The following LDLRAD4 variants were observed in gnomAD, a reference collection of about 807,000 sequenced individuals.
LDLRAD4 encodes the protein low-density lipoprotein receptor class A domain-containing protein 4.
A neutral mutation model predicts 17.0 loss-of-function variants in LDLRAD4; 5 were observed. That is an observed-to-expected ratio of 0.29 (90% confidence interval 0.15 to 0.62). The LOEUF is 0.62. Ranked by LOEUF, LDLRAD4 falls within the 20% of genes least tolerant of loss-of-function variation. The pLI is 0.84. For synonymous variants in LDLRAD4, 168 were observed against 171.8 expected (o/e 0.98, Z 0.17); for missense variants, 340 against 424.7 (o/e 0.80, Z 1.75).
chr18:13,510,726 T>C (rs1940914), intron 3 of LDLRAD4, among the ~76,000 whole-genome samples: 57,297 of 152,088 alleles, frequency 0.38, 11,862 homozygotes, highest in Middle Eastern at 0.56. Context: ...GGTTGGCCTT[T>C]CTGGTGCAGA....
At chr18:13,277,779 A>C (rs759240645), upstream of LDLRAD4, among the ~76,000 whole-genome samples, 1 of 152,186 alleles carries the variant, frequency 6.6e-6, no homozygotes, top group African/African-American at 2.4e-5. Context: ...CAGGGATACT[A>C]TCTGTTATTT....
chr18:13,567,505 T>TAAG (rs1293121919), intron 3 of LDLRAD4, among the ~76,000 whole-genome samples: 1 of 152,038 alleles, frequency 6.6e-6, no homozygotes, highest in African/African-American at 2.4e-5. Flanking sequence ...CCCAGCTGCC[T>TAAG]AAGTAAAATT....
At chr18:13,287,156 G>C (rs968793401) in intron 1 of LDLRAD4, among the ~76,000 whole-genome samples, 13 of 152,184 alleles carry the variant, frequency 8.5e-5, no homozygotes, top group African/African-American at 2.9e-4. Flanking sequence ...CCACCAGGAC[G>C]TAGAGGAAAT....
intron 1 of LDLRAD4, among the ~76,000 whole-genome samples, chr18:13,270,822 A>G (rs2044493308): frequency 6.6e-6 from 1 of 152,228 alleles, no homozygotes; most frequent in Non-Finnish European, 1.5e-5. Flanking sequence ...ATTTCAAATA[A>G]TGAGACTAAG....
chr18:13,267,639 G>A (rs924423165), intron 1 of LDLRAD4, among the ~76,000 whole-genome samples: 6 of 152,248 alleles, frequency 3.9e-5, no homozygotes, highest in South Asian at 2.1e-4. Context: ...TTCAGACGTC[G>A]TGTGTAACCC....
chr18:13,316,357 A>G (rs762746897), intron 1 of LDLRAD4, among the ~76,000 whole-genome samples: 3 of 152,232 alleles, frequency 2.0e-5, no homozygotes, highest in Admixed American at 6.5e-5. Flanking sequence ...CTCTTTTCCT[A>G]GAATTCTATT....
At chr18:13,304,624 C>T (rs774394126) in intron 1 of LDLRAD4, among the ~76,000 whole-genome samples, 4 of 152,246 alleles carry the variant, frequency 2.6e-5, no homozygotes, top group Non-Finnish European at 5.9e-5. Context: ...TATACACCGA[C>T]ACACGCTTCA....
At chr18:13,339,457 TC>T in intron 1 of LDLRAD4, among the ~76,000 whole-genome samples, 3 of 152,246 alleles carry the variant, frequency 2.0e-5, no homozygotes, top group Middle Eastern at 6.8e-3. Context: ...CGCCTTGGCC[TC>T]CCAAAGTGCT....
At chr18:13,271,261 C>T (rs1276987109) in intron 1 of LDLRAD4, among the ~76,000 whole-genome samples, 2 of 152,208 alleles carry the variant, frequency 1.3e-5, no homozygotes, top group African/African-American at 2.4e-5. Context: ...AGCTAAGACT[C>T]AAGTGACTGT....
In LDLRAD4 at chr18:13,612,589, C is replaced by T. The variant is rs2039687737; in HGVS notation, c.182-8528C>T. The T allele has an allele frequency of 1.8e-5, 27 of 1,542,584 alleles. No individual in the cohort carries two copies. The East Asian group carries it at 5.5e-4, about 31-fold the overall frequency. ...TCACACACTCTCCCACACCCCATGCCAGCTATAACTGCAGCTCTGAGCTGC... is the reference window on the plus strand; with the variant it reads ...TCACACACTCTCCCACACCCCATGCTAGCTATAACTGCAGCTCTGAGCTGC... On this transcript the variant is annotated intron_variant, in intron 3 of 5. Transcript: ENST00000359446.
At chr18:13,319,194 T>C (rs1438714576) in intron 1 of LDLRAD4, among the ~76,000 whole-genome samples, 1 of 152,204 alleles carries the variant, frequency 6.6e-6, no homozygotes, top group Non-Finnish European at 1.5e-5. Context: ...CACCTTTTGC[T>C]CATGTGGACT....
intron 1 of LDLRAD4, among the ~76,000 whole-genome samples, chr18:13,220,815 A>G (rs1288065693): frequency 1.3e-5 from 2 of 152,206 alleles, no homozygotes; most frequent in African/African-American, 4.8e-5. Flanking sequence ...AGGGAAGCAC[A>G]GTCAGAGGAG....
chr18:13,486,349 T>C (rs1331196517), intron 3 of LDLRAD4: 1 of 152,256 alleles, frequency 6.6e-6, no homozygotes, highest in Non-Finnish European at 1.5e-5. Flanking sequence ...GAGTTGGGAA[T>C]GTAGCAGCTT....
chr18:13,410,309 A>G (rs1373671996), intron 2 of LDLRAD4, among the ~76,000 whole-genome samples: 2 of 152,154 alleles, frequency 1.3e-5, no homozygotes. Context: ...GAAGAGGGAC[A>G]TTATTCAGAA....
At chr18:13,341,159 G>A (rs148648828) in intron 1 of LDLRAD4, among the ~76,000 whole-genome samples, 6 of 151,702 alleles carry the variant, frequency 4.0e-5, no homozygotes, top group African/African-American at 9.7e-5. Flanking sequence ...ATCAGGAATC[G>A]TGAGTCCTCC....
chr18:13,281,834 C>A (rs1388939612), intron 1 of LDLRAD4, among the ~76,000 whole-genome samples: 2 of 152,210 alleles, frequency 1.3e-5, no homozygotes, highest in South Asian at 2.1e-4. Context: ...TTCTGAAGCT[C>A]CATCTCACCA....
At chr18:13,555,803 TGAG>T (rs930300502) in intron 3 of LDLRAD4, among the ~76,000 whole-genome samples, 8 of 152,230 alleles carry the variant, frequency 5.3e-5, no homozygotes, top group Non-Finnish European at 1.0e-4. Context: ...AAGGTATAGA[TGAG>T]GAATAATTGG....
intron 1 of LDLRAD4, among the ~76,000 whole-genome samples, chr18:13,350,982 G>T (rs1174745888): frequency 6.6e-6 from 1 of 152,078 alleles, no homozygotes; most frequent in Admixed American, 6.5e-5. Context: ...CTGTTCCATT[G>T]GTCTGTATGC....
intron 3 of LDLRAD4, chr18:13,489,013 G>C (rs2093300521): frequency 6.6e-6 from 1 of 152,172 alleles, no homozygotes; most frequent in African/African-American, 2.4e-5. Flanking sequence ...AAGAAAGTGT[G>C]GGGGCAGACT....
Sources: gnomAD v4.1 joint callset for allele counts (sites outside exome capture counted in the v4.1 genomes callset) on GRCh38, gnomAD v4.1.1 for gene constraint, MANE v1.5 for transcripts, NCBI Gene and HGNC (gene_info 2026-07-23, HGNC 2026-07-21) for gene names.